Variants in NAA16 observed in about 807,000 individuals in gnomAD.
The protein encoded by NAA16 is NARG1-like protein.
Under a neutral mutation model 110.3 loss-of-function variants are expected in NAA16, and 97 were observed. That is an observed-to-expected ratio of 0.88 (90% CI 0.75 to 1.04). The LOEUF (loss-of-function observed/expected upper bound fraction) is 1.04, where lower values mean the gene tolerates loss of function less well. Among genes scored for constraint, NAA16 ranks in the 50% least tolerant of loss-of-function variants. The pLI, the probability that NAA16 is intolerant of heterozygous loss-of-function variation, is 0.00. For synonymous variants in NAA16, 372 were observed against 330.6 expected, an observed-to-expected ratio of 1.13 and a Z score of -1.36; for missense variants, 1,017 against 1,005.1, an observed-to-expected ratio of 1.01 and a Z score of -0.16.
intron 8 of NAA16, among the ~76,000 whole-genome samples, chr13:41,335,057 A>G (rs2042342984): frequency 6.6e-6 from 1 of 152,200 alleles, no homozygotes; most frequent in South Asian, 2.1e-4. Context: ...TACCTGCACA[A>G]TCTAATCAAA....
chr13:41,348,913 T>C (rs1219419243), intron 9 of NAA16, among the ~76,000 whole-genome samples: 1 of 152,234 alleles, frequency 6.6e-6, no homozygotes, highest in African/African-American at 2.4e-5. Flanking sequence ...TCGTCTATGT[T>C]ATACAGCATT....
At chr13:41,315,146 G>A (rs1246433352) in intron 1 of NAA16, among the ~76,000 whole-genome samples, 1 of 152,176 alleles carries the variant, frequency 6.6e-6, no homozygotes, top group Non-Finnish European at 1.5e-5. Context: ...AATATGTTGG[G>A]GAAGGAAGGA....
chr13:41,360,752 T>C (rs2043096049), intron 12 of NAA16, among the ~76,000 whole-genome samples: 1 of 152,218 alleles, frequency 6.6e-6, no homozygotes, highest in South Asian at 2.1e-4. Context: ...TACTAATAAA[T>C]GAGTGAAGGG....
chr13:41,361,968 GA>G, intron 12 of NAA16, 62 bp from the exon 13 acceptor site: 1 of 1,567,532 alleles, frequency 6.4e-7, no homozygotes, highest in Non-Finnish European at 8.7e-7. Flanking sequence ...TTGTAAAGAG[GA>G]AATGATTTTT....
At chr13:41,354,885 C>CTT (rs2042940050) in intron 9 of NAA16, among the ~76,000 whole-genome samples, 41 of 48,194 alleles carry the variant, frequency 8.5e-4, no homozygotes, top group African/African-American at 2.3e-3. Flanking sequence ...AGGAGTGGTC[C>CTT]ATTTTTTTTT....
intron 8 of NAA16, among the ~76,000 whole-genome samples, chr13:41,335,823 T>C (rs1462742897): frequency 6.6e-6 from 1 of 151,268 alleles, no homozygotes. Flanking sequence ...ATTTCAGTCA[T>C]CTTACTTGAG....
chr13:41,336,730 A>T lies in NAA16; in HGVS notation c.988A>T (p.Lys330Ter). 6.2e-7 allele frequency: 1 copy of T among 1,605,116 alleles called. No homozygotes were observed. The highest frequency in any genetic ancestry group is 8.5e-7 in the Non-Finnish European group (1 of 1,174,078). ...CTGCCCACCCTTGTTTACTACTTTG[A>T]AATCTTTATATTACAATACAGAAAA... Reference protein sequence around the residue: ...KGCPPLFTTLKSLYYNTEKVS... With the variant: ...KGCPPLFTTL The change falls in exon 9 of 20, where the codon AAA becomes TAA. Residue 330 changes from lysine (K) to a stop codon, truncating the protein, a stop_gained. Transcript: ENST00000379406. LOFTEE classifies it high-confidence loss of function.
At chr13:41,330,525 A>G (rs1270932539) in intron 7 of NAA16, among the ~76,000 whole-genome samples, 3 of 152,086 alleles carry the variant, frequency 2.0e-5, no homozygotes, top group Non-Finnish European at 4.4e-5. Context: ...AAATTCCACT[A>G]TAAATTATCT....
chr13:41,318,707 C>G, intron 2 of NAA16, 99 bp from the exon 3 acceptor site: 3 of 470,024 alleles, frequency 6.4e-6, no homozygotes, highest in Non-Finnish European at 1.1e-5. Context: ...GAATTGGAGC[C>G]ATAGTAATCC....
chr13:41,322,950 T>G, intron 4 of NAA16, 106 bp from the exon 5 acceptor site: 1 of 1,020,632 alleles, frequency 9.8e-7, no homozygotes, highest in Non-Finnish European at 1.5e-6. Context: ...AAACTGATCT[T>G]TGTTGATATA....
At chr13:41,352,994 G>A (rs147283235) in intron 9 of NAA16, among the ~76,000 whole-genome samples, 2,768 of 151,934 alleles carry the variant, frequency 0.018, 26 homozygotes, top group Non-Finnish European at 0.03. Context: ...GCGGGTGCCT[G>A]TAATCCCAGC....
intron 5 of NAA16, among the ~76,000 whole-genome samples, 176 bp downstream of exon 5, chr13:41,323,366 T>TTTC (rs1479889720): frequency 6.6e-6 from 1 of 151,730 alleles, no homozygotes; most frequent in Non-Finnish European, 1.5e-5. Flanking sequence ...TTTTTTTTTT[T>TTTC]CCGAGACGGA....
chr13:41,372,859 T>C, intron 17 of NAA16, 29 bp downstream of exon 17: 1 of 1,482,036 alleles, frequency 6.7e-7, no homozygotes, highest in Non-Finnish European at 9.1e-7. Flanking sequence ...CATATTTACA[T>C]TTGTGAATTA....
Position 41,320,779 on chromosome 13 carries a change from T to A in NAA16, c.357T>A (p.Asp119Glu). The change falls in exon 4 of 20, where the codon GAT becomes GAA. Residue 119 changes from aspartate to glutamate, a missense_variant. Transcript: ENST00000379406. ...AAGATAACCTGCAAATTTTGAGGGATCTCTCACTGTTGCAGATCCAAATGA... is the reference window on the plus strand; with the variant it reads ...AAGATAACCTGCAAATTTTGAGGGAACTCTCACTGTTGCAGATCCAAATGA... ...LDKDNLQILR[D>E]LSLLQIQMRD... The A allele has an allele frequency of 6.2e-7, 1 of 1,613,134 alleles. No individual in the cohort carries two copies. The highest frequency in any genetic ancestry group is 8.5e-7 in the Non-Finnish European group (1 of 1,179,808).
At chr13:41,371,716 G>A (rs2043322319) in intron 15 of NAA16, among the ~76,000 whole-genome samples, 1 of 152,216 alleles carries the variant, frequency 6.6e-6, no homozygotes, top group African/African-American at 2.4e-5. Flanking sequence ...TAGGCTATTA[G>A]TAGTGAAGTT....
At chr13:41,364,397 C>CG (rs957322782) in intron 13 of NAA16, among the ~76,000 whole-genome samples, 2 of 146,412 alleles carry the variant, frequency 1.4e-5, no homozygotes, top group African/African-American at 5.3e-5. Flanking sequence ...CTGTTTTCAT[C>CG]CCCCCCCCAT....
chr13:41,367,368 A>T, intron 13 of NAA16, 71 bp from the exon 14 acceptor site: 18 of 1,026,576 alleles, frequency 1.8e-5, no homozygotes, highest in South Asian at 5.0e-5. Context: ...GCTTTTTACA[A>T]TTTTTTTTTT....
Position 41,311,330 on chromosome 13 carries a change from C to T in NAA16, c.-199C>T, listed in dbSNP as rs1486593582. On this transcript the variant is annotated 5_prime_UTR_variant, in exon 1 of 20. Coordinates refer to ENST00000379406, the MANE Select transcript of NAA16 (RefSeq NM_024561.5). ...AAGCGGAGCCCAGGGGAAGCGTGTC[C>T]TGCTCAGACCGCCTTCCTTCTCCAT... 4 of 590,192 alleles carry T rather than the reference C, an allele frequency of 6.8e-6. No individual in the cohort carries two copies. Among genetic ancestry groups the T allele is most frequent in the Admixed American group, 3.2e-5 (1 of 31,064 alleles). 36.6% of individuals were successfully genotyped at this position (590,192 alleles called of 1,614,324 possible). A position where few individuals can be genotyped will look rare whatever the true frequency, so the allele number is the denominator to read the frequency against.
chr13:41,339,855 G>A (rs1037586688), intron 9 of NAA16, among the ~76,000 whole-genome samples: 1 of 152,226 alleles, frequency 6.6e-6, no homozygotes, highest in African/African-American at 2.4e-5. Flanking sequence ...CACTGTGCCC[G>A]ACTAAGTTGC....
Sources: allele counts gnomAD v4.1 joint callset (sites outside exome capture counted in the v4.1 genomes callset), GRCh38; gene constraint gnomAD v4.1.1; transcripts MANE v1.5; gene names NCBI Gene and HGNC (gene_info 2026-07-23, HGNC 2026-07-21).